Variants in VTI1A observed in about 807,000 individuals in gnomAD.
VTI1A encodes the protein vesicle transport through interaction with t-SNAREs 1A.
Under a neutral mutation model 34.9 loss-of-function variants are expected in VTI1A, and 22 were observed. That is an observed-to-expected ratio of 0.63 (90% confidence interval 0.45 to 0.90). VTI1A has a LOEUF of 0.90. VTI1A is among the 40% of genes least tolerant of loss of function. The pLI, the probability that VTI1A is intolerant of heterozygous loss-of-function variation, is 0.00. For missense variants in VTI1A, 268 were observed against 275.6 expected, an observed-to-expected ratio of 0.97 and a Z score of 0.20; for synonymous variants, 87 against 97.3, an observed-to-expected ratio of 0.89 and a Z score of 0.62.
chr10:112,691,352 G>A (rs889022714), intron 7 of VTI1A, among the ~76,000 whole-genome samples: 5 of 152,272 alleles, frequency 3.3e-5, no homozygotes, highest in Admixed American at 2.0e-4. Flanking sequence ...GCCTACAACT[G>A]TTGGATGGGA....
intron 3 of VTI1A, among the ~76,000 whole-genome samples, chr10:112,498,268 A>G (rs1268812664): frequency 6.6e-6 from 1 of 152,230 alleles, no homozygotes; most frequent in African/African-American, 2.4e-5. Flanking sequence ...GATAAGGTTA[A>G]GTTATTCTTA....
chr10:112,512,855 A>C (rs1344320750), intron 3 of VTI1A, among the ~76,000 whole-genome samples: 2 of 151,910 alleles, frequency 1.3e-5, no homozygotes, highest in Non-Finnish European at 2.9e-5. Context: ...GTTGGCTGTG[A>C]ATATGTCTTT....
intron 5 of VTI1A, among the ~76,000 whole-genome samples, chr10:112,582,579 A>G (rs1843991604): frequency 6.6e-6 from 1 of 152,146 alleles, no homozygotes. Flanking sequence ...AGGTGGTAGA[A>G]AAGTAGTGAT....
At chr10:112,613,619 TA>T (rs1003311355) in intron 5 of VTI1A, among the ~76,000 whole-genome samples, 1 of 152,236 alleles carries the variant, frequency 6.6e-6, no homozygotes, top group African/African-American at 2.4e-5. Context: ...CATTAATTTT[TA>T]AATAAGTGTC....
chr10:112,566,080 T>G (rs1395551186), intron 5 of VTI1A, among the ~76,000 whole-genome samples: 4 of 152,102 alleles, frequency 2.6e-5, no homozygotes, highest in Non-Finnish European at 1.5e-5. Flanking sequence ...AAATATGTGC[T>G]TGGAAACTTT....
intron 5 of VTI1A, among the ~76,000 whole-genome samples, chr10:112,560,225 T>C (rs1851676362): frequency 6.6e-6 from 1 of 152,222 alleles, no homozygotes; most frequent in Non-Finnish European, 1.5e-5. Context: ...ATCTTAATAG[T>C]GATAGGTCTT....
rs77283087 is a variant in VTI1A at position 112,695,187 on chromosome 10, T to C, written c.560+26189T>C. On this transcript the variant is annotated intron_variant, in intron 7 of 7. Coordinates refer to ENST00000393077, the MANE Select transcript of VTI1A (RefSeq NM_145206.4). ...CCATAGTACCTACCTTGAACTTTGCTGCATAGTATATACTGTTTTTATTTC... is the reference window on the plus strand; with the variant it reads ...CCATAGTACCTACCTTGAACTTTGCCGCATAGTATATACTGTTTTTATTTC... Among the ~76,000 whole-genome samples the C allele has an allele frequency of 7.4e-3, 1,132 of 152,330 alleles. 13 individuals are homozygous for C. Among genetic ancestry groups the C allele is most frequent in the African/African-American group, 0.026 (1,094 of 41,582 alleles).
intron 5 of VTI1A, among the ~76,000 whole-genome samples, chr10:112,629,797 A>G (rs892130964): frequency 2.0e-5 from 3 of 152,180 alleles, no homozygotes; most frequent in Non-Finnish European, 2.9e-5. Context: ...TCCTCAGTCA[A>G]TTTGAGGGTT....
At chr10:112,619,042 C>T (rs1429750074) in intron 5 of VTI1A, among the ~76,000 whole-genome samples, 1 of 149,906 alleles carries the variant, frequency 6.7e-6, no homozygotes, top group Non-Finnish European at 1.5e-5. Flanking sequence ...TGGAATCGTG[C>T]CTGGCACATT....
At chr10:112,635,403 A>C (rs1846316730) in intron 5 of VTI1A, among the ~76,000 whole-genome samples, 1 of 152,200 alleles carries the variant, frequency 6.6e-6, no homozygotes, top group Non-Finnish European at 1.5e-5. Flanking sequence ...CAAGGGTCAA[A>C]GCTCAGAGGT....
At chr10:112,702,755 T>G (rs1248497904) in intron 7 of VTI1A, among the ~76,000 whole-genome samples, 1 of 152,176 alleles carries the variant, frequency 6.6e-6, no homozygotes, top group Non-Finnish European at 1.5e-5. Context: ...CTGGCTAATT[T>G]TTGTATTTTT....
chr10:112,467,739 T>C (rs1847944455), intron 3 of VTI1A, among the ~76,000 whole-genome samples: 1 of 152,238 alleles, frequency 6.6e-6, no homozygotes, highest in Admixed American at 6.5e-5. Flanking sequence ...TTTCATTTCA[T>C]TGTGTGAAGA....
intron 7 of VTI1A, among the ~76,000 whole-genome samples, chr10:112,800,545 G>A (rs188537261): frequency 8.9e-4 from 135 of 152,320 alleles, no homozygotes; most frequent in African/African-American, 2.9e-3. Context: ...CCATTGGCCA[G>A]GCACTGATCT....
intron 1 of VTI1A, among the ~76,000 whole-genome samples, chr10:112,459,643 A>G (rs1847662563): frequency 6.6e-6 from 1 of 152,214 alleles, no homozygotes. Flanking sequence ...CATGCTAGGC[A>G]GACAAAAACT....
At chr10:112,568,399 C>T (rs1412313694) in intron 5 of VTI1A, among the ~76,000 whole-genome samples, 1 of 151,838 alleles carries the variant, frequency 6.6e-6, no homozygotes, top group African/African-American at 2.4e-5. Context: ...CCCAGTTACT[C>T]GAGAGGCTGA....
intron 3 of VTI1A, among the ~76,000 whole-genome samples, chr10:112,496,790 A>G (rs1589830763): frequency 6.6e-6 from 1 of 152,142 alleles, no homozygotes; most frequent in African/African-American, 2.4e-5. Flanking sequence ...ACACAAGTTT[A>G]CTCTGAATGT....
rs752524793 is a variant in VTI1A at position 112,673,461 on chromosome 10, T to TGC, written c.560+4470_560+4471dup. Reference sequence around the variant, plus strand: ...GCCCCCATTCACACACATGCGCGCGTGCGCGCGCACACACACACACACGCA... The same window carrying TGC: ...GCCCCCATTCACACACATGCGCGCGTGCGCGCGCGCACACACACACACACGCA... On this transcript the variant is annotated intron_variant, in intron 7 of 7. Coordinates refer to ENST00000393077, the MANE Select transcript of VTI1A (RefSeq NM_145206.4). 9.7e-3 allele frequency among the ~76,000 whole-genome samples: 463 copies of TGC among 47,684 alleles called. 1 individual carries two copies. Among genetic ancestry groups the TGC allele is most frequent in the South Asian group, 0.075 (58 of 774 alleles). 31.3% of individuals were successfully genotyped at this position (47,684 alleles called of 152,430 possible).
intron 7 of VTI1A, among the ~76,000 whole-genome samples, chr10:112,777,145 A>G (rs185410050): frequency 7.2e-4 from 109 of 152,346 alleles, no homozygotes; most frequent in African/African-American, 2.3e-3. Context: ...AGAAAGTAAA[A>G]TCAAAGTCCG....
chr10:112,822,567 G>A (rs555699269), downstream of VTI1A, among the ~76,000 whole-genome samples: 2 of 152,302 alleles, frequency 1.3e-5, no homozygotes, highest in Admixed American at 1.3e-4. Flanking sequence ...TCTGCCCTGA[G>A]CAGACCTTCC....
Sources: allele counts gnomAD v4.1 joint callset (sites outside exome capture counted in the v4.1 genomes callset), GRCh38; gene constraint gnomAD v4.1.1; transcripts MANE v1.5; gene names NCBI Gene and HGNC (gene_info 2026-07-23, HGNC 2026-07-21).